PAK1: variants seen among roughly 807,000 people sequenced by gnomAD.
PAK1 encodes serine/threonine-protein kinase PAK 1.
Under a neutral mutation model 67.4 loss-of-function variants are expected in PAK1, and 29 were observed. The observed-to-expected ratio is 0.43, with a 90% CI of 0.32 to 0.59. The LOEUF is 0.59. Among genes scored for constraint, PAK1 ranks in the 20% least tolerant of loss-of-function variants. The probability of loss-of-function intolerance (pLI) is 0.07; values close to 1 mark genes in which losing one functional copy is unlikely to be tolerated. For missense variants in PAK1, 337 were observed against 670.7 expected (o/e 0.50, Z 5.50); for synonymous variants, 223 against 237.4 (o/e 0.94, Z 0.56).
intron 1 of PAK1, among the ~76,000 whole-genome samples, chr11:77,445,134 A>C (rs530890019): frequency 6.6e-6 from 1 of 152,316 alleles, no homozygotes; most frequent in South Asian, 2.1e-4. Context: ...ATTTGGACAC[A>C]AGAGACAATC....
chr11:77,410,522 C>A (rs1350785411), intron 1 of PAK1, among the ~76,000 whole-genome samples: 2 of 151,864 alleles, frequency 1.3e-5, no homozygotes, highest in Non-Finnish European at 2.9e-5. Context: ...AAACCAGTAA[C>A]CTACTAATAA....
intron 1 of PAK1, among the ~76,000 whole-genome samples, chr11:77,467,817 A>AT (rs1189291947): frequency 6.6e-6 from 1 of 152,206 alleles, no homozygotes; most frequent in African/African-American, 2.4e-5. Flanking sequence ...ACAAATAGAG[A>AT]TTTAAATAAG....
At position 77,374,339 on chromosome 11, in the gene PAK1, A is replaced by T; in HGVS notation, c.466T>A (p.Ser156Thr). The T allele has an allele frequency of 6.3e-7, 1 of 1,590,956 alleles. No homozygotes were observed. Among genetic ancestry groups the T allele is most frequent in the Non-Finnish European group, 8.6e-7 (1 of 1,158,894 alleles). The change falls in exon 5 of 15, where the codon TCT becomes ACT. Residue 156 changes from serine to threonine, a missense_variant. By Grantham distance (58) the Ser-to-Thr change is moderately conservative. Around this residue, in one of 8 missense-constraint regions of PAK1, gnomAD observed 150 missense variants for 179.0 expected, o/e 0.84. Transcript: ENST00000356341. The part of the protein sequence containing the change: ...TDKSAEDYNS[S>T]NALNVKAVSE... ...AAATAAAGACTTACCAAGGCATTAG[A>T]AGAATTGTAATCCTCAGCTGACTTA...
chr11:77,474,111 G>T, upstream of PAK1: 1 of 152,298 alleles, frequency 6.6e-6, no homozygotes, highest in South Asian at 2.1e-4. Flanking sequence ...CGGCAGGCCT[G>T]ACCGCCTAGT....
chr11:77,508,809 A>G, the PAK1 span, among the ~76,000 whole-genome samples: 7 of 150,820 alleles, frequency 4.6e-5, no homozygotes, highest in East Asian at 1.2e-3. Flanking sequence ...ACAGGCGCCC[A>G]CCACCATGCC....
intron 1 of PAK1, among the ~76,000 whole-genome samples, chr11:77,421,278 T>A (rs955967583): frequency 2.0e-5 from 3 of 152,334 alleles, no homozygotes; most frequent in African/African-American, 7.2e-5. Context: ...TACCCTATGG[T>A]GACTATGCCT....
chr11:77,480,639 G>A, the PAK1 span, among the ~76,000 whole-genome samples: 8 of 150,602 alleles, frequency 5.3e-5, no homozygotes, highest in East Asian at 4.0e-4. Context: ...TTCTGCTGCC[G>A]CAGCCTCCCG....
rs776210619 is a variant in PAK1 at position 77,379,341 on chromosome 11, A to G, written c.339T>C (p.Thr113=). 1.2e-6 allele frequency: 2 copies of G among 1,613,914 alleles called. No individual in the cohort carries two copies. Among genetic ancestry groups the G allele is most frequent in the Non-Finnish European group, 8.5e-7 (1 of 1,179,956 alleles). The change falls in exon 4 of 15, where the codon ACT becomes ACC. Residue 113 remains threonine, a synonymous_variant. Coordinates refer to ENST00000356341, the MANE Select transcript of PAK1 (RefSeq NM_002576.5). The part of the protein sequence containing the change: ...WARLLQTSNI[T]KSEQKKNPQA... ...GCGGGTTTTTCTTCTGCTCCGACTT[A>G]GTGATATTTGATGTCTGAAGCAAGC...
At chr11:77,387,719 G>A (rs896650690) in intron 2 of PAK1, among the ~76,000 whole-genome samples, 4 of 152,246 alleles carry the variant, frequency 2.6e-5, no homozygotes, top group Admixed American at 6.5e-5. Context: ...TGAATGGGAA[G>A]TGAGGATATT....
intron 2 of PAK1, among the ~76,000 whole-genome samples, chr11:77,380,536 C>T (rs962968074): frequency 1.3e-5 from 2 of 152,008 alleles, no homozygotes; most frequent in East Asian, 1.9e-4. Context: ...GCAAAAAGAT[C>T]GTCTGTCAGA....
intron 2 of PAK1, among the ~76,000 whole-genome samples, chr11:77,391,174 A>G (rs1951094042): frequency 6.6e-6 from 1 of 152,194 alleles, no homozygotes; most frequent in Non-Finnish European, 1.5e-5. Context: ...TGCTTGTTGT[A>G]TCTGCCCTAC....
chr11:77,422,993 C>T lies in PAK1; in HGVS notation c.-21-30452G>A, dbSNP rs144954999. On this transcript the variant is annotated intron_variant, in intron 1 of 14. Coordinates refer to ENST00000356341, the MANE Select transcript of PAK1 (RefSeq NM_002576.5). ...CCTGGGTTCTAAATGGCATTGTATC[C>T]CACCCTATACAAGCAACCAATGCCC... Among the ~76,000 whole-genome samples the T allele has an allele frequency of 2.1e-3, 312 of 152,036 alleles. 3 individuals carry two copies. The highest frequency in any genetic ancestry group is 7.2e-3 in the African/African-American group (298 of 41,442).
intron 1 of PAK1, among the ~76,000 whole-genome samples, chr11:77,443,368 C>T (rs1255898892): frequency 4.0e-5 from 6 of 151,804 alleles, no homozygotes; most frequent in African/African-American, 1.5e-4. Flanking sequence ...GTGGAAGACT[C>T]CCCAGCAAGC....
chr11:77,407,519 C>T (rs746708430), intron 1 of PAK1, among the ~76,000 whole-genome samples: 6 of 152,174 alleles, frequency 3.9e-5, no homozygotes, highest in African/African-American at 1.2e-4. Context: ...AGCATCTGAG[C>T]AATTTTTCAC....
the PAK1 span, among the ~76,000 whole-genome samples, chr11:77,507,287 C>T: frequency 1.3e-5 from 2 of 152,126 alleles, no homozygotes; most frequent in Non-Finnish European, 2.9e-5. Context: ...CTGTCAAAGG[C>T]CATCAGCAAC....
intron 1 of PAK1, among the ~76,000 whole-genome samples, chr11:77,399,858 CAAAAAAAAAAAAAAA>C (rs34662738): frequency 2.4e-5 from 1 of 42,362 alleles, no homozygotes. Context: ...GACTCCGTCT[CAAAAAAAAAAAAAAA>C]AAAAAAAAAA....
At chr11:77,419,551 T>G (rs1357515378) in intron 1 of PAK1, among the ~76,000 whole-genome samples, 1 of 152,236 alleles carries the variant, frequency 6.6e-6, no homozygotes, top group East Asian at 1.9e-4. Context: ...AAATTTGGTT[T>G]TGTTTGGAGA....
the PAK1 span, among the ~76,000 whole-genome samples, chr11:77,518,103 C>T: frequency 6.6e-6 from 1 of 152,202 alleles, no homozygotes; most frequent in African/African-American, 2.4e-5. Context: ...GTAATTATTC[C>T]AGATTTCAAT....
At chr11:77,339,315 G>A (rs1164463569) in intron 11 of PAK1, among the ~76,000 whole-genome samples, 2 of 152,042 alleles carry the variant, frequency 1.3e-5, no homozygotes, top group Non-Finnish European at 2.9e-5. Context: ...TCGTTCCTGA[G>A]GGTAAGGGGG....
Sources: allele counts gnomAD v4.1 joint callset (sites outside exome capture counted in the v4.1 genomes callset), GRCh38; gene constraint gnomAD v4.1.1; regional missense constraint gnomAD v4.1.1; transcripts MANE v1.5; gene names NCBI Gene and HGNC (gene_info 2026-07-23, HGNC 2026-07-21).